ULK1: variants seen among roughly 807,000 people sequenced by gnomAD.
ULK1 encodes unc-51 like autophagy activating kinase 1.
A neutral mutation model predicts 117.5 loss-of-function variants in ULK1; 48 were observed. That is an observed-to-expected ratio of 0.41 (90% CI 0.32 to 0.52). ULK1 has a LOEUF of 0.52. Among genes scored for constraint, ULK1 ranks in the 20% least tolerant of loss-of-function variants. The probability of loss-of-function intolerance (pLI) is 0.29; values close to 1 mark genes in which losing one functional copy is unlikely to be tolerated. For missense variants in ULK1, 1,387 were observed against 1,473.4 expected (o/e 0.94, Z 0.96); for synonymous variants, 790 against 637.8 (o/e 1.24, Z -3.60).
At position 131,915,099 on chromosome 12, in the gene ULK1, A is replaced by G. The variant is rs1265647243; in HGVS notation, c.1390A>G (p.Arg464Gly). ...FQTPRSSAIR[R>G]SGSTSPLGFA... ...TGTCTTCAGGTCCTCTGCCATCCGC[A>G]GGTCAGGCAGCACCAGCCCCCTGGG... is the stretch of plus-strand genomic sequence containing the variant. Residue 464 changes from arginine (R) to glycine (G), a missense_variant, in exon 17 of 28, where the codon AGG becomes GGG. Around this residue, in one of 4 missense-constraint regions of ULK1, gnomAD observed 900 missense variants for 858.9 expected, o/e 1.05. Transcript: ENST00000321867. 3 of 1,553,660 alleles carry G rather than the reference A, an allele frequency of 1.9e-6. No individual in the cohort carries two copies. Among genetic ancestry groups the G allele is most frequent in the South Asian group, 2.4e-5 (2 of 82,390 alleles).
rs1280604238 is a variant in ULK1, at chr12:131,895,139, C to G, written c.111+27C>G. The G allele has an allele frequency of 5.4e-6, 8 of 1,478,952 alleles. No homozygotes were observed. In the East Asian group the frequency reaches 2.1e-4, roughly 38 times the overall value. The allele number at this position is 1,478,952 out of a possible 1,614,324, so 91.6% of individuals were successfully genotyped here. A position where few individuals can be genotyped will look rare whatever the true frequency, so the allele number is the denominator to read the frequency against. ...TGAGGCCCCCGTCCGGCCCGGGATC[C>G]CCCGCCCAGGATCCCCTGCCCCTGC... On this transcript the variant is annotated intron_variant, in intron 1 of 27. Transcript: ENST00000321867.
chr12:131,917,083 C>CGGAGGCTGTGGGACGGGGGTT, intron 21 of ULK1, 21 bp downstream of exon 21: 3 of 1,380,362 alleles, frequency 2.2e-6, no homozygotes, highest in South Asian at 1.3e-5. Context: ...GGGTGGGGCT[C>CGGAGGCTGTGGGACGGGGGTT]GGAGGCTGTG....
At chr12:131,913,039 A>C (rs1889609154) in intron 13 of ULK1, among the ~76,000 whole-genome samples, 159 bp from the exon 14 acceptor site, 1 of 152,128 alleles carries the variant, frequency 6.6e-6, no homozygotes, top group Non-Finnish European at 1.5e-5. Context: ...TGCAGCCTGG[A>C]CTGTACCACC....
At position 131,923,124 on chromosome 12, in the gene ULK1, G is replaced by A. The variant is rs753922444; in HGVS notation, c.*1763G>A. The A allele has an allele frequency of 1.2e-4, 19 of 152,224 alleles. No homozygotes were observed. Among genetic ancestry groups the A allele is most frequent in the Non-Finnish European group, 1.9e-4 (13 of 68,036 alleles). The allele number at this position is 152,224 out of a possible 1,614,324, so 9.4% of individuals were successfully genotyped here. The stretch of plus-strand genomic sequence containing the variant: ...TTGCGTTATATTGTATAATACCAAC[G>A]TAAGGAAATAAACCTTTGGAATTGT... On this transcript the variant is annotated 3_prime_UTR_variant, in exon 28 of 28. Coordinates refer to ENST00000321867, the MANE Select transcript of ULK1 (RefSeq NM_003565.4).
rs535498868 is a variant in ULK1 at position 131,915,195 on chromosome 12, C to G, written c.1486C>G (p.Leu496Val). The G allele has an allele frequency of 2.3e-5, 37 of 1,600,930 alleles. No homozygotes were observed. In the South Asian group the frequency reaches 3.7e-4, roughly 16 times the overall value. The change falls in exon 17 of 28, where the codon CTG becomes GTG. Residue 496 changes from leucine (L) to valine (V), a missense_variant. Transcript: ENST00000321867. ...AGGCGTCCTGGCCAGGAAGATGTCT[C>G]TGGGTGGAGGCCGGCCCTACACGCC... Reference protein sequence around the residue: ...HGGVLARKMSLGGGRPYTPSP... With the variant: ...HGGVLARKMSVGGGRPYTPSP...
In ULK1 at chr12:131,894,649, C is replaced by G. The variant is rs1888780743; in HGVS notation, c.-353C>G. 1 of 151,384 alleles carries G rather than the reference C, an allele frequency of 6.6e-6. No individual in the cohort carries two copies. Among genetic ancestry groups the G allele is most frequent in the Admixed American group, 6.6e-5 (1 of 15,248 alleles). The allele number at this position is 151,384 out of a possible 1,614,324, so 9.4% of individuals were successfully genotyped here. The stretch of plus-strand genomic sequence containing the variant: ...TGCGGCTGCGCGGGCGTCTCAGGCT[C>G]TGAGGCCCGGGCGCCGCGGCTCTTT... On this transcript the variant is annotated 5_prime_UTR_variant, in exon 1 of 28. Coordinates refer to ENST00000321867, the MANE Select transcript of ULK1 (RefSeq NM_003565.4).
In ULK1 at chr12:131,916,563, G is replaced by C. The variant is rs2136404026; in HGVS notation, c.2044G>C (p.Gly682Arg). The change falls in exon 20 of 28, where the codon GGC becomes CGC. Residue 682 changes from glycine (G) to arginine (R), a missense_variant. Transcript: ENST00000321867. ...GCCGTTGGGCCCTGGCCTGCGGCCA[G>C]GCGAGGACCCCAAGGGCCCCTTTGG... ...GQPLGPGLRP[G>R]EDPKGPFGRS... The C allele has an allele frequency of 1.9e-6, 3 of 1,596,642 alleles. No homozygotes were observed. The South Asian group carries it at 3.3e-5, about 18-fold the overall frequency.
Position 131,907,528 on chromosome 12 carries a change from C to T in ULK1, c.313C>T (p.His105Tyr). The change falls in exon 5 of 28, where the codon CAC (histidine) becomes TAC (tyrosine). Residue 105 changes from histidine (H) to tyrosine (Y), a missense_variant. Transcript: ENST00000321867. ...CGGTGGGGACCTGGCCGACTACCTG[C>T]ACGGTGAGTGCACAGCTGCGCCACC... ...CNGGDLADYL[H>Y]AMRTLSEDTI... The T allele has an allele frequency of 6.2e-7, 1 of 1,611,958 alleles. No homozygotes were observed. Among genetic ancestry groups the T allele is most frequent in the South Asian group, 1.1e-5 (1 of 90,924 alleles).
intron 11 of ULK1, among the ~76,000 whole-genome samples, 161 bp downstream of exon 11, chr12:131,910,465 G>A (rs1211086822): frequency 6.6e-6 from 1 of 152,166 alleles, no homozygotes; most frequent in Non-Finnish European, 1.5e-5. Flanking sequence ...CTGCTGCAGC[G>A]GGGACCCCAA....
intron 19 of ULK1, 44 bp downstream of exon 19, chr12:131,916,203 A>T: frequency 6.3e-7 from 1 of 1,588,504 alleles, no homozygotes; most frequent in Middle Eastern, 1.7e-4. Context: ...AGCCCTGGGG[A>T]AGATGTGTGG....
At chr12:131,910,131 G>T (rs1889468502) in intron 10 of ULK1, 123 bp from the exon 11 acceptor site, 1 of 1,565,798 alleles carries the variant, frequency 6.4e-7, no homozygotes, top group Admixed American at 1.7e-5. Context: ...CCAAGCGCAG[G>T]CAGGGGCTCC....
intron 13 of ULK1, 99 bp from the exon 14 acceptor site, chr12:131,913,099 G>A: frequency 8.6e-7 from 1 of 1,168,080 alleles, no homozygotes; most frequent in South Asian, 1.7e-5. Context: ...CCCCTGCAAG[G>A]TGGAGTGTGC....
chr12:131,909,559 G>A (rs1889432816), intron 8 of ULK1, among the ~76,000 whole-genome samples: 1 of 152,160 alleles, frequency 6.6e-6, no homozygotes, highest in African/African-American at 2.4e-5. Flanking sequence ...CTGGGAGGCC[G>A]CGTTCTGGGG....
In ULK1 at chr12:131,902,199, C is replaced by T. The variant is rs949064004; in HGVS notation, c.247-4693C>T. The stretch of plus-strand genomic sequence containing the variant: ...CCTTTTGGGAGCTGTCCAGGAGCCC[C>T]GCCTGGGGGTGCAGAGTGGTTCTGT... On this transcript the variant is annotated intron_variant, in intron 3 of 27. Transcript: ENST00000321867. The surrounding 1 kb of genome is among the most constrained non-coding windows in gnomAD (Gnocchi z 6.3). 5.3e-5 allele frequency among the ~76,000 whole-genome samples: 8 copies of T among 152,154 alleles called. No homozygotes were observed. Among genetic ancestry groups the T allele is most frequent in the African/African-American group, 9.7e-5 (4 of 41,426 alleles).
rs778998562 is a variant in ULK1 at position 131,919,368 on chromosome 12, C to T, written c.2668C>T (p.Leu890=). 1.1e-5 allele frequency: 14 copies of T among 1,284,238 alleles called. No homozygotes were observed. The highest frequency in any genetic ancestry group is 1.4e-5 in the Non-Finnish European group (14 of 967,206). 79.6% of individuals were successfully genotyped at this position (1,284,238 alleles called of 1,614,324 possible). The change falls in exon 24 of 28, where the codon CTG becomes TTG. Residue 890 remains leucine (L), a synonymous_variant. Coordinates refer to ENST00000321867, the MANE Select transcript of ULK1 (RefSeq NM_003565.4). ...ESVVADQISL[L]SREWGFAEQL... The stretch of plus-strand genomic sequence containing the variant: ...TGTGGTGGCCGACCAGATCAGCCTG[C>T]TGAGCCGAGAATGGGGGTGGGTGCC...
intron 3 of ULK1, among the ~76,000 whole-genome samples, chr12:131,905,319 C>T (rs1043905052): frequency 5.3e-5 from 8 of 152,258 alleles, no homozygotes; most frequent in African/African-American, 1.4e-4. Context: ...AGTGGCTTTG[C>T]GGCTGTCCCC....
Position 131,920,987 on chromosome 12 carries a change from C to T in ULK1, c.2962-113C>T, listed in dbSNP as rs1444459881. ...CACCAGCACTTATGTCTCCACGTCA[C>T]TGCCCTGAGCGCCTATCTGCCACCC... On this transcript the variant is annotated intron_variant, in intron 26 of 27. Coordinates refer to ENST00000321867, the MANE Select transcript of ULK1 (RefSeq NM_003565.4). The T allele has an allele frequency of 6.4e-6, 9 of 1,406,866 alleles. No homozygotes were observed. The African/African-American group carries it at 1.3e-4, about 20-fold the overall frequency. The allele number at this position is 1,406,866 out of a possible 1,614,324, so 87.1% of individuals were successfully genotyped here.
rs530591574 is a variant in ULK1, at chr12:131,922,423, CAT to C, written c.*1063_*1064del. On this transcript the variant is annotated 3_prime_UTR_variant, in exon 28 of 28. Transcript: ENST00000321867. ...ATACTTCATGCAAAGAAAAAAGTAA[CAT>C]GTGCAAAAGCTCCCCGTCCAGCTTT... 3.5e-4 allele frequency: 70 copies of C among 200,938 alleles called. No individual in the cohort carries two copies. The highest frequency in any genetic ancestry group is 7.7e-4 in the African/African-American group (33 of 42,630). 12.4% of individuals were successfully genotyped at this position (200,938 alleles called of 1,614,324 possible).
Position 131,920,013 on chromosome 12 carries a change from C to T in ULK1, c.2838C>T (p.Ser946=), listed in dbSNP as rs974356639. Residue 946 remains serine, a synonymous_variant, in exon 26 of 28, where the codon AGC becomes AGT. Coordinates refer to ENST00000321867, the MANE Select transcript of ULK1 (RefSeq NM_003565.4). ...GGCTGAATGAGCTGTACAAGGCCAG[C>T]GTGGTGTCCTGCCAGGGCCTGAGCC... The part of the protein sequence containing the change: ...VRRLNELYKA[S]VVSCQGLSLR... 1.7e-5 allele frequency: 27 copies of T among 1,612,712 alleles called. No homozygotes were observed. The highest frequency in any genetic ancestry group is 1.9e-5 in the Non-Finnish European group (23 of 1,179,964).
Sources: gnomAD v4.1 joint callset for allele counts (sites outside exome capture counted in the v4.1 genomes callset) on GRCh38, gnomAD v4.1.1 for gene constraint, gnomAD v4.1.1 regional missense constraint, Gnocchi (gnomAD v3.1) non-coding constraint, MANE v1.5 for transcripts, NCBI Gene and HGNC (gene_info 2026-07-23, HGNC 2026-07-21) for gene names.